Variants in GRIK4 observed in about 807,000 individuals in gnomAD.
The protein encoded by GRIK4 is glutamate receptor ionotropic, kainate 4.
GRIK4 carries 40 observed loss-of-function variants against 104.9 expected under a neutral mutation model. The observed-to-expected ratio is 0.38, with a 90% CI of 0.30 to 0.50. The LOEUF is 0.50. GRIK4 is among the 20% of genes least tolerant of loss of function. The pLI, the probability that GRIK4 is intolerant of heterozygous loss-of-function variation, is 0.93. For missense variants in GRIK4, 1,047 were observed against 1,308.1 expected, an observed-to-expected ratio of 0.80 and a Z score of 3.08; for synonymous variants, 485 against 524.9, an observed-to-expected ratio of 0.92 and a Z score of 1.04.
intron 3 of GRIK4, among the ~76,000 whole-genome samples, chr11:120,753,938 T>TC (rs1269014981): frequency 6.6e-6 from 1 of 152,128 alleles, no homozygotes; most frequent in African/African-American, 2.4e-5. Flanking sequence ...AGAAAGCCCA[T>TC]CCCCTTGAGC....
intron 3 of GRIK4, among the ~76,000 whole-genome samples, chr11:120,720,358 C>CG (rs1421295928): frequency 1.3e-5 from 2 of 152,164 alleles, no homozygotes; most frequent in Non-Finnish European, 2.9e-5. Flanking sequence ...CTTTGATGTG[C>CG]GTTTGGCTGT....
intron 7 of GRIK4, 151 bp from the exon 8 acceptor site, chr11:120,836,640 G>A: frequency 1.5e-6 from 1 of 658,640 alleles, no homozygotes; most frequent in Admixed American, 2.3e-5. Flanking sequence ...TAAGATCAAG[G>A]GCAACATAAG....
At chr11:120,614,392 G>A (rs1949078480) in intron 1 of GRIK4, among the ~76,000 whole-genome samples, 1 of 152,194 alleles carries the variant, frequency 6.6e-6, no homozygotes, top group South Asian at 2.1e-4. Flanking sequence ...ACTAGCTAGG[G>A]TCTAGCACTT....
chr11:120,746,068 C>T (rs1171401598), intron 3 of GRIK4, among the ~76,000 whole-genome samples: 1 of 150,734 alleles, frequency 6.6e-6, no homozygotes, highest in Non-Finnish European at 1.5e-5. Context: ...TTCACAGAGT[C>T]ACTGTGAAAA....
At chr11:120,884,464 G>A (rs941055754) in intron 11 of GRIK4, among the ~76,000 whole-genome samples, 5 of 152,214 alleles carry the variant, frequency 3.3e-5, no homozygotes, top group African/African-American at 7.2e-5. Flanking sequence ...CGCAAAGACC[G>A]GCCCATGCCA....
intron 13 of GRIK4, among the ~76,000 whole-genome samples, chr11:120,911,256 T>C (rs2134529972): frequency 6.7e-6 from 1 of 149,094 alleles, no homozygotes; most frequent in Middle Eastern, 3.4e-3. Context: ...TTTTTTTTTT[T>C]GAGACGGAGT....
In GRIK4 at chr11:120,692,556, T is replaced by C. The variant is rs181800819; in HGVS notation, c.82+32156T>C. ...AGGAGCGGTGGAGGCAGAAGTGGTTTTTGAGAGACACGTCCCTGGAGCTGA... is the reference window on the plus strand; with the variant it reads ...AGGAGCGGTGGAGGCAGAAGTGGTTCTTGAGAGACACGTCCCTGGAGCTGA... On this transcript the variant is annotated intron_variant, in intron 3 of 20. Coordinates refer to ENST00000527524, the MANE Select transcript of GRIK4 (RefSeq NM_014619.5). Among the ~76,000 whole-genome samples, 807 of 152,130 alleles carry C rather than the reference T, an allele frequency of 5.3e-3. 7 individuals carry two copies. Among genetic ancestry groups the C allele is most frequent in the Non-Finnish European group, 7.9e-3 (537 of 67,976 alleles).
At chr11:120,918,258 T>C (rs1392476814) in intron 13 of GRIK4, among the ~76,000 whole-genome samples, 4 of 152,174 alleles carry the variant, frequency 2.6e-5, no homozygotes, top group African/African-American at 7.2e-5. Context: ...CTTGCCAAAC[T>C]GGTTCTCTCA....
chr11:120,911,474 T>C (rs1452190450), intron 13 of GRIK4, among the ~76,000 whole-genome samples: 1 of 146,898 alleles, frequency 6.8e-6, no homozygotes, highest in Non-Finnish European at 1.5e-5. Flanking sequence ...CCTGACCTCG[T>C]GATCCGCCCG....
rs543504678 is a variant in GRIK4 at position 120,910,421 on chromosome 11, C to T, written c.1476+4928C>T. ...ACTGGGCCAGTTGGGTGGCCTCTCACCCTGGGGCTGTGTCTGGGCAGTGGA... is the reference window on the plus strand; with the variant it reads ...ACTGGGCCAGTTGGGTGGCCTCTCATCCTGGGGCTGTGTCTGGGCAGTGGA... On this transcript the variant is annotated intron_variant, in intron 13 of 20. Transcript: ENST00000527524. Among the ~76,000 whole-genome samples, 325 of 152,310 alleles carry T rather than the reference C, an allele frequency of 2.1e-3. 2 individuals carry two copies. Among genetic ancestry groups the T allele is most frequent in the Non-Finnish European group, 3.7e-3 (250 of 68,012 alleles).
chr11:120,924,155 A>C (rs1410587110), intron 13 of GRIK4, among the ~76,000 whole-genome samples: 2 of 152,140 alleles, frequency 1.3e-5, no homozygotes, highest in African/African-American at 4.8e-5. Context: ...TCTTCATCCA[A>C]ATGAGAATGA....
intron 1 of GRIK4, among the ~76,000 whole-genome samples, chr11:120,537,318 T>C (rs1359960505): frequency 3.3e-5 from 5 of 152,128 alleles, no homozygotes; most frequent in Non-Finnish European, 7.3e-5. Flanking sequence ...CATGAGAGCC[T>C]TGGGGTTGTG....
chr11:120,637,359 TC>T (rs950159164), intron 1 of GRIK4, among the ~76,000 whole-genome samples: 9 of 151,574 alleles, frequency 5.9e-5, no homozygotes, highest in African/African-American at 9.7e-5. Context: ...TTGTTTTTTT[TC>T]CCCCCTGGCA....
At chr11:120,550,288 T>C (rs1249197005) in intron 1 of GRIK4, among the ~76,000 whole-genome samples, 3 of 109,862 alleles carry the variant, frequency 2.7e-5, no homozygotes, top group African/African-American at 1.0e-4. Flanking sequence ...GGATCTGGAG[T>C]GAGTGGGAGG....
At chr11:120,681,636 C>T (rs541399046) in intron 3 of GRIK4, among the ~76,000 whole-genome samples, 30 of 152,322 alleles carry the variant, frequency 2.0e-4, no homozygotes, top group South Asian at 6.2e-4. Context: ...GGAGAGGGAG[C>T]GTAATGAGAA....
At chr11:120,843,306 G>A (rs914230229) in intron 8 of GRIK4, among the ~76,000 whole-genome samples, 1 of 152,246 alleles carries the variant, frequency 6.6e-6, no homozygotes, top group Non-Finnish European at 1.5e-5. Flanking sequence ...TATTTGTGGG[G>A]TGTCAACAGA....
At chr11:120,907,133 A>G (rs1300561825) in intron 13 of GRIK4, among the ~76,000 whole-genome samples, 1 of 152,202 alleles carries the variant, frequency 6.6e-6, no homozygotes, top group East Asian at 1.9e-4. Flanking sequence ...CCACTCCTGA[A>G]ACATTCTTCT....
At chr11:120,689,397 C>T (rs781186453) in intron 3 of GRIK4, among the ~76,000 whole-genome samples, 4 of 152,078 alleles carry the variant, frequency 2.6e-5, no homozygotes, top group Non-Finnish European at 5.9e-5. Flanking sequence ...TAGGGTTTCT[C>T]TTATTTATGA....
At chr11:120,951,622 G>A (rs932339055) in intron 14 of GRIK4, among the ~76,000 whole-genome samples, 3 of 152,280 alleles carry the variant, frequency 2.0e-5, no homozygotes, top group East Asian at 1.9e-4. Context: ...GAATCATAGC[G>A]TTTTCCATTT....
Sources: gnomAD v4.1 joint callset for allele counts (sites outside exome capture counted in the v4.1 genomes callset) on GRCh38, gnomAD v4.1.1 for gene constraint, MANE v1.5 for transcripts, NCBI Gene and HGNC (gene_info 2026-07-23, HGNC 2026-07-21) for gene names.